The following GSN variants were observed in gnomAD, a reference collection of about 807,000 sequenced individuals.
The protein encoded by GSN is actin-depolymerizing factor.
GSN carries 56 observed loss-of-function variants against 85.7 expected under a neutral mutation model. The ratio of observed to expected loss-of-function variants is 0.65; its 90% CI spans 0.53 to 0.82. GSN has a LOEUF of 0.82. Ranked by LOEUF, GSN falls within the 40% of genes least tolerant of loss-of-function variation. GSN has a pLI of 0.00. For synonymous variants in GSN, 373 were observed against 399.1 expected, an observed-to-expected ratio of 0.93 and a Z score of 0.78; for missense variants, 857 against 979.8, an observed-to-expected ratio of 0.87 and a Z score of 1.67.
In GSN at chr9:121,246,532, C is replaced by A. The variant is rs118109896; in HGVS notation, c.-388-1744C>A. ...CTTTTTTGGTTGCAACTAATAGAAA[C>A]CTTAGCATAGTTTAGGCAAAATTTA... is the stretch of plus-strand genomic sequence containing the variant. On this transcript the variant is annotated intron_variant, in intron 5 of 24. Coordinates refer to the GSN transcript ENST00000373823. Among the ~76,000 whole-genome samples, 191 of 152,222 alleles carry A rather than the reference C, an allele frequency of 1.3e-3. 4 individuals are homozygous for A. The East Asian group carries it at 0.03, about 24-fold the overall frequency.
chr9:121,260,427 A>T (rs925927371), intron 6 of GSN, among the ~76,000 whole-genome samples: 2 of 152,254 alleles, frequency 1.3e-5, no homozygotes, highest in African/African-American at 4.8e-5. Flanking sequence ...AGACATTCTT[A>T]TAAATTCCAG....
Position 121,299,246 on chromosome 9 carries a change from A to T in GSN, c.-9-2717A>T. Reference sequence around the variant, plus strand: ...CTGAGCGTTCTGCCCCGCCCCTCTGAGTCCTGCCGGCTTCACCTGCCCACG... The same window carrying T: ...CTGAGCGTTCTGCCCCGCCCCTCTGTGTCCTGCCGGCTTCACCTGCCCACG... On this transcript the variant is annotated intron_variant, in intron 2 of 17. Coordinates refer to ENST00000432226, the MANE Select transcript of GSN (RefSeq NM_198252.3). This position sits in a 1 kb window ranked among gnomAD's most constrained non-coding sequence, Gnocchi z 4.2. 4 of 969,782 alleles carry T rather than the reference A, an allele frequency of 4.1e-6. No individual in the cohort carries two copies. The highest frequency in any genetic ancestry group is 4.9e-6 in the Non-Finnish European group (4 of 815,604). The allele number at this position is 969,782 out of a possible 1,614,324, so 60.1% of individuals were successfully genotyped here. A position where few individuals can be genotyped will look rare whatever the true frequency, so the allele number is the denominator to read the frequency against.
At chr9:121,300,655 C>A (rs2059739451) in intron 2 of GSN, among the ~76,000 whole-genome samples, 1 of 152,178 alleles carries the variant, frequency 6.6e-6, no homozygotes, top group Non-Finnish European at 1.5e-5. Flanking sequence ...CTCCCCGGCC[C>A]CAGCCCCAGT....
chr9:121,320,652 CAA>C (rs564880956), intron 10 of GSN, among the ~76,000 whole-genome samples: 22 of 81,744 alleles, frequency 2.7e-4, no homozygotes, highest in Admixed American at 3.7e-4. Flanking sequence ...TCTCAAAAAA[CAA>C]AAAAAAAAAA....
chr9:121,223,528 GT>G (rs1488320515), intron 4 of GSN, among the ~76,000 whole-genome samples: 2 of 152,084 alleles, frequency 1.3e-5, no homozygotes, highest in African/African-American at 4.8e-5. Context: ...ATATATCATG[GT>G]TACAATAGCT....
chr9:121,233,261 C>T (rs897628784), intron 5 of GSN, among the ~76,000 whole-genome samples: 1 of 152,062 alleles, frequency 6.6e-6, no homozygotes, highest in Non-Finnish European at 1.5e-5. Flanking sequence ...GTCAGGAGTT[C>T]AAGACCAGCC....
chr9:121,309,079 G>A (rs926984862), intron 4 of GSN: 63 of 152,182 alleles, frequency 4.1e-4, no homozygotes, highest in Admixed American at 4.0e-3. Context: ...GCACCCGATT[G>A]GGAGGAGGAA....
At chr9:121,249,896 A>G (rs2132234028) in intron 6 of GSN, among the ~76,000 whole-genome samples, 1 of 152,340 alleles carries the variant, frequency 6.6e-6, no homozygotes, top group East Asian at 1.9e-4. Flanking sequence ...CTGATGATTC[A>G]AGTGGCTGTT....
At chr9:121,321,214 G>C (rs2062395674) in intron 10 of GSN, 54 bp from the exon 11 acceptor site, 2 of 1,606,304 alleles carry the variant, frequency 1.2e-6, no homozygotes, top group Non-Finnish European at 1.7e-6. Context: ...TGGCTTGCCT[G>C]AGCTGGGGGG....
At chr9:121,265,044 G>C (rs1241161715), upstream of GSN, 1 of 152,186 alleles carries the variant, frequency 6.6e-6, no homozygotes, top group African/African-American at 2.4e-5. Context: ...TGATCCTGAG[G>C]CCCAGCTGCA....
At chr9:121,247,626 A>T (rs1299319891) in intron 5 of GSN, among the ~76,000 whole-genome samples, 1 of 152,236 alleles carries the variant, frequency 6.6e-6, no homozygotes, top group Non-Finnish European at 1.5e-5. Context: ...TTAAATCACT[A>T]ATCTAGGCAA....
At chr9:121,292,781 T>C (rs2058817107) in intron 2 of GSN, among the ~76,000 whole-genome samples, 1 of 152,156 alleles carries the variant, frequency 6.6e-6, no homozygotes, top group Admixed American at 6.5e-5. Flanking sequence ...CCACAGAGAC[T>C]CCGCAGGCAC....
chr9:121,263,747 G>A (rs142106341), upstream of GSN, among the ~76,000 whole-genome samples: 2 of 151,858 alleles, frequency 1.3e-5, no homozygotes, highest in Non-Finnish European at 2.9e-5. Flanking sequence ...AAAATTAGCC[G>A]GGCGTTGTTG....
At chr9:121,232,647 G>A (rs1303523911) in intron 5 of GSN, among the ~76,000 whole-genome samples, 1 of 152,160 alleles carries the variant, frequency 6.6e-6, no homozygotes, top group Non-Finnish European at 1.5e-5. Flanking sequence ...ATGTAATATT[G>A]TACAGCAGAT....
In GSN at chr9:121,249,224, T is replaced by C. The variant is rs1044636503; in HGVS notation, c.-341+901T>C. 1.9e-4 allele frequency among the ~76,000 whole-genome samples: 29 copies of C among 151,708 alleles called. 1 individual carries two copies. Among genetic ancestry groups the C allele is most frequent in the Non-Finnish European group, 4.4e-5 (3 of 67,918 alleles). ...CTGTAATCCCAGCACTCTGGGAGGG[T>C]GAGGCGAGTGGATCACCTGACTCCA... On this transcript the variant is annotated intron_variant, in intron 6 of 24. Transcript: ENST00000373823.
chr9:121,301,493 T>G (rs7869580), intron 2 of GSN, among the ~76,000 whole-genome samples: 106,879 of 151,824 alleles, frequency 0.7, 37,878 homozygotes, highest in East Asian at 0.81. Flanking sequence ...AGGCATAGTA[T>G]CGCATGCCTG....
rs372342467 is a variant in GSN, at chr9:121,225,453, A to G, written c.-527-5712A>G. Among the ~76,000 whole-genome samples, 236 of 152,338 alleles carry G rather than the reference A, an allele frequency of 1.5e-3. 1 individual carries two copies. In the Middle Eastern group the frequency reaches 0.027, roughly 18 times the overall value. On this transcript the variant is annotated intron_variant, in intron 4 of 24. Transcript: ENST00000373823. The stretch of plus-strand genomic sequence containing the variant: ...CCCGGGCTGTTCAAAGGCATTTTTC[A>G]TCAGCCTAGGCACGGCTGTTAGAGC...
At chr9:121,219,884 CTTTT>C (rs773081215) in intron 4 of GSN, among the ~76,000 whole-genome samples, 1 of 144,822 alleles carries the variant, frequency 6.9e-6, no homozygotes, top group Non-Finnish European at 1.5e-5. Context: ...TTTTTCTTTT[CTTTT>C]TTTTTTTTTG....
intron 6 of GSN, among the ~76,000 whole-genome samples, chr9:121,259,897 G>A (rs1389939716): frequency 6.6e-6 from 1 of 152,196 alleles, no homozygotes; most frequent in African/African-American, 2.4e-5. Flanking sequence ...AAACAGGCTT[G>A]AAAGTCTTTC....
Sources: allele counts gnomAD v4.1 joint callset (sites outside exome capture counted in the v4.1 genomes callset), GRCh38; gene constraint gnomAD v4.1.1; non-coding constraint Gnocchi (gnomAD v3.1); transcripts MANE v1.5; gene names NCBI Gene and HGNC (gene_info 2026-07-23, HGNC 2026-07-21).